The following PDE3B variants were observed in gnomAD, a reference collection of about 807,000 sequenced individuals.
PDE3B encodes the protein phosphodiesterase 3B.
Under a neutral mutation model 116.8 loss-of-function variants are expected in PDE3B, and 66 were observed. That is an observed-to-expected ratio of 0.56 (90% CI 0.46 to 0.69). The LOEUF is 0.69. Ranked by LOEUF, PDE3B falls within the 30% of genes least tolerant of loss-of-function variation. PDE3B has a pLI of 0.00. For synonymous variants in PDE3B, 595 were observed against 533.6 expected (o/e 1.12, Z -1.59); for missense variants, 1,384 against 1,368.1 (o/e 1.01, Z -0.18).
chr11:14,762,836 T>C (rs1229557431), intron 1 of PDE3B, among the ~76,000 whole-genome samples: 3 of 152,216 alleles, frequency 2.0e-5, no homozygotes, highest in Non-Finnish European at 4.4e-5. Flanking sequence ...AGGGGAGTTA[T>C]ATTTTTGGCC....
intron 1 of PDE3B, among the ~76,000 whole-genome samples, chr11:14,691,741 G>A (rs766953267): frequency 3.9e-5 from 6 of 152,176 alleles, no homozygotes; most frequent in Admixed American, 1.3e-4. Flanking sequence ...AGATAGTAAT[G>A]TGTGTTACAA....
At chr11:14,716,567 A>C (rs1162453550) in intron 1 of PDE3B, among the ~76,000 whole-genome samples, 1 of 140,724 alleles carries the variant, frequency 7.1e-6, no homozygotes, top group Non-Finnish European at 1.5e-5. Context: ...ACGCAGCTGG[A>C]GATCTGAGAA....
At chr11:14,702,422 C>T (rs893899685) in intron 1 of PDE3B, among the ~76,000 whole-genome samples, 3 of 151,732 alleles carry the variant, frequency 2.0e-5, no homozygotes, top group Non-Finnish European at 2.9e-5. Context: ...AAAGCAGAAT[C>T]TAAAATACCC....
chr11:14,749,828 CATAAATATATAT>C (rs1046778225), intron 1 of PDE3B, among the ~76,000 whole-genome samples: 5 of 136,134 alleles, frequency 3.7e-5, no homozygotes, highest in African/African-American at 1.4e-4. Flanking sequence ...TCCTATATCC[CATAAATATATAT>C]ATATTTATTT....
At chr11:14,860,291 G>A (rs555712950) in intron 13 of PDE3B, among the ~76,000 whole-genome samples, 58 of 152,148 alleles carry the variant, frequency 3.8e-4, no homozygotes, top group Non-Finnish European at 7.9e-4. Context: ...AATGCCATAT[G>A]AATGGGGCTC....
chr11:14,827,474 G>T (rs1158470707), intron 7 of PDE3B, among the ~76,000 whole-genome samples: 1 of 152,088 alleles, frequency 6.6e-6, no homozygotes, highest in African/African-American at 2.4e-5. Flanking sequence ...AGAGTTTCAG[G>T]ATACAAAATC....
rs145457992 is a variant in PDE3B, at chr11:14,646,139, G to A, written c.978+1086G>A. 3.3e-3 allele frequency among the ~76,000 whole-genome samples: 506 copies of A among 152,250 alleles called. 2 individuals carry two copies. Among genetic ancestry groups the A allele is most frequent in the Non-Finnish European group, 5.9e-3 (400 of 67,994 alleles). Reference sequence around the variant, plus strand: ...AGGAGAGTAAGAGCGTACACCCTAGGTTTTCTGAATTTTTGGATTAGTGAT... The same window carrying A: ...AGGAGAGTAAGAGCGTACACCCTAGATTTTCTGAATTTTTGGATTAGTGAT... On this transcript the variant is annotated intron_variant, in intron 1 of 15. Coordinates refer to ENST00000282096, the MANE Select transcript of PDE3B (RefSeq NM_000922.4).
At chr11:14,712,323 A>C (rs1277251730) in intron 1 of PDE3B, among the ~76,000 whole-genome samples, 1 of 151,992 alleles carries the variant, frequency 6.6e-6, no homozygotes, top group East Asian at 1.9e-4. Flanking sequence ...GGCCTCAAGC[A>C]ATTCTCTTGT....
At chr11:14,853,704 A>G (rs1476134746) in intron 12 of PDE3B, among the ~76,000 whole-genome samples, 1 of 152,222 alleles carries the variant, frequency 6.6e-6, no homozygotes, top group Non-Finnish European at 1.5e-5. Context: ...ATGGTAAGGA[A>G]TGTGTGCTAG....
chr11:14,804,635 T>C lies in PDE3B; in HGVS notation c.1522+585T>C, dbSNP rs1262349622. Among the ~76,000 whole-genome samples the C allele has an allele frequency of 4.6e-5, 7 of 152,112 alleles. No individual in the cohort carries two copies. The East Asian group carries it at 9.6e-4, about 21-fold the overall frequency. On this transcript the variant is annotated intron_variant, in intron 5 of 15. Coordinates refer to ENST00000282096, the MANE Select transcript of PDE3B (RefSeq NM_000922.4). ...GATATACAATTACAAAATTCTTTTA[T>C]ACACAATAACCTATAAAGCATGTGA...
At chr11:14,679,582 G>A (rs933324706) in intron 1 of PDE3B, among the ~76,000 whole-genome samples, 2 of 151,618 alleles carry the variant, frequency 1.3e-5, no homozygotes, top group African/African-American at 4.8e-5. Context: ...TCTTCACTCG[G>A]GACCCTTGGT....
chr11:14,739,048 T>C (rs1856685862), intron 1 of PDE3B, among the ~76,000 whole-genome samples: 1 of 152,226 alleles, frequency 6.6e-6, no homozygotes, highest in Non-Finnish European at 1.5e-5. Flanking sequence ...TGCCTCCAGC[T>C]TTGTTCTTTT....
chr11:14,653,587 C>A (rs1430506055), intron 1 of PDE3B, among the ~76,000 whole-genome samples: 1 of 150,792 alleles, frequency 6.6e-6, no homozygotes, highest in Non-Finnish European at 1.5e-5. Context: ...AAAAAACCAA[C>A]AAAAAAACCA....
rs115239845 is a variant in PDE3B at position 14,668,603 on chromosome 11, A to G, written c.978+23550A>G. The stretch of plus-strand genomic sequence containing the variant: ...GTTTTAAGAACTTAGCTGTGAATGG[A>G]TGATATCCTACCCATTTAATAGAGT... On this transcript the variant is annotated intron_variant, in intron 1 of 15. Coordinates refer to ENST00000282096, the MANE Select transcript of PDE3B (RefSeq NM_000922.4). Among the ~76,000 whole-genome samples, 684 of 152,288 alleles carry G rather than the reference A, an allele frequency of 4.5e-3. 3 individuals carry two copies. The highest frequency in any genetic ancestry group is 0.015 in the African/African-American group (609 of 41,568).
In PDE3B at chr11:14,843,890, C is replaced by A. The variant is rs919254465; in HGVS notation, c.2384C>A (p.Pro795His). ...ATTTCTTCGAAGAGCTGCTCTAATCCTGATGAGAGTTATGGCTGCCTGTCT... is the reference window on the plus strand; with the variant it reads ...ATTTCTTCGAAGAGCTGCTCTAATCATGATGAGAGTTATGGCTGCCTGTCT... ...AYISSKSCSN[P>H]DESYGCLSSN... Residue 795 changes from proline to histidine, a missense_variant, in exon 12 of 16, where the codon CCT (proline) becomes CAT (histidine). Pro to His is a moderately conservative substitution (Grantham distance 77, BLOSUM62 -2). This residue lies in a region of PDE3B where 428 missense variants were observed against 561.4 expected (regional missense o/e 0.76). Transcript: ENST00000282096. 6.2e-7 allele frequency: 1 copy of A among 1,613,820 alleles called. No individual in the cohort carries two copies. The highest frequency in any genetic ancestry group is 8.5e-7 in the Non-Finnish European group (1 of 1,179,830).
At chr11:14,659,766 T>C (rs1255794398) in intron 1 of PDE3B, among the ~76,000 whole-genome samples, 2 of 152,268 alleles carry the variant, frequency 1.3e-5, no homozygotes, top group African/African-American at 4.8e-5. Flanking sequence ...AGTAATATCT[T>C]TTTAATTCAA....
chr11:14,665,794 A>C (rs1386377313), intron 1 of PDE3B, among the ~76,000 whole-genome samples: 2 of 152,202 alleles, frequency 1.3e-5, no homozygotes, highest in Non-Finnish European at 2.9e-5. Flanking sequence ...GATACAAATA[A>C]ATGGAAGAAC....
At chr11:14,792,539 G>GA (rs1858419952) in intron 4 of PDE3B, among the ~76,000 whole-genome samples, 1 of 152,064 alleles carries the variant, frequency 6.6e-6, no homozygotes, top group Non-Finnish European at 1.5e-5. Context: ...TCAGAAGAAA[G>GA]AAAACCACAG....
chr11:14,886,399 A>G, the PDE3B span: 2 of 166,434 alleles, frequency 1.2e-5, no homozygotes, highest in African/African-American at 4.8e-5. Context: ...CCTGAGAGAC[A>G]ACTTTGAAGT....
Sources: gnomAD v4.1 joint callset for allele counts (sites outside exome capture counted in the v4.1 genomes callset) on GRCh38, gnomAD v4.1.1 for gene constraint, gnomAD v4.1.1 regional missense constraint, MANE v1.5 for transcripts, NCBI Gene and HGNC (gene_info 2026-07-23, HGNC 2026-07-21) for gene names.